The following APOL5 variants were observed in gnomAD, a reference collection of about 807,000 sequenced individuals.
APOL5 encodes the protein apolipoprotein L, 5.
A neutral mutation model predicts 35.5 loss-of-function variants in APOL5; 29 were observed. That is an observed-to-expected ratio of 0.82 (90% CI 0.61 to 1.11). The LOEUF (loss-of-function observed/expected upper bound fraction) is 1.11. Among genes scored for constraint, APOL5 ranks in the 50% most tolerant of loss-of-function variants. The pLI is 0.00. For synonymous variants in APOL5, 188 were observed against 200.2 expected (o/e 0.94, Z 0.51); for missense variants, 514 against 530.4 (o/e 0.97, Z 0.30).
At chr22:35,719,923 G>A (rs1926902083) in intron 1 of APOL5, among the ~76,000 whole-genome samples, 1 of 152,248 alleles carries the variant, frequency 6.6e-6, no homozygotes, top group Non-Finnish European at 1.5e-5. Flanking sequence ...CCAGAAAGGG[G>A]ATGGAGTGGG....
intron 2 of APOL5, 94 bp downstream of exon 2, chr22:35,720,748 G>A (rs1926943713): frequency 1.2e-6 from 1 of 864,376 alleles, no homozygotes; most frequent in African/African-American, 2.6e-5. Context: ...GAGTATTTGG[G>A]TTTTGTTTTG....
chr22:35,716,281 T>G (rs980125239), upstream of APOL5, among the ~76,000 whole-genome samples: 1 of 152,202 alleles, frequency 6.6e-6, no homozygotes, highest in Non-Finnish European at 1.5e-5. Flanking sequence ...ATTGGCTTTT[T>G]GTTGTTGTTG....
At chr22:35,724,483 T>C (rs1232118419) in intron 2 of APOL5, among the ~76,000 whole-genome samples, 4 of 152,148 alleles carry the variant, frequency 2.6e-5, no homozygotes, top group Non-Finnish European at 5.9e-5. Context: ...TATATATGTA[T>C]ACATTATAAA....
intron 2 of APOL5, among the ~76,000 whole-genome samples, chr22:35,723,330 T>G (rs890825211): frequency 1.3e-5 from 2 of 152,146 alleles, no homozygotes; most frequent in African/African-American, 2.4e-5. Flanking sequence ...CCCTGTTACG[T>G]GCTGTAGAAA....
chr22:35,720,712 T>G, intron 2 of APOL5, 58 bp downstream of exon 2: 1 of 1,250,196 alleles, frequency 8.0e-7, no homozygotes, highest in Non-Finnish European at 1.2e-6. Flanking sequence ...TCCAAAACAG[T>G]GTCTGTCACA....
At chr22:35,721,944 A>T (rs140953299) in intron 2 of APOL5, among the ~76,000 whole-genome samples, 7 of 152,330 alleles carry the variant, frequency 4.6e-5, no homozygotes, top group Admixed American at 4.6e-4. Context: ...TAAAATCTTC[A>T]TGCGTCATGC....
At chr22:35,719,058 AAT>A (rs1491159136) in intron 1 of APOL5, among the ~76,000 whole-genome samples, 2 of 57,128 alleles carry the variant, frequency 3.5e-5, no homozygotes, top group African/African-American at 6.6e-5. Context: ...CCGTCTCAAA[AAT>A]AATAATAATA....
chr22:35,717,235 A>AAAAAAAAAAAAATATATATATATATATAT, upstream of APOL5, among the ~76,000 whole-genome samples: 1 of 57,664 alleles, frequency 1.7e-5, no homozygotes, highest in African/African-American at 8.0e-5. Context: ...AAAAAAAAAA[A>AAAAAAAAAAAAATATATATATATATATAT]ATATATATAT....
chr22:35,716,867 C>A (rs1277000237), upstream of APOL5, among the ~76,000 whole-genome samples: 1 of 151,102 alleles, frequency 6.6e-6, no homozygotes, highest in Non-Finnish European at 1.5e-5. Context: ...TTCCTTTTCA[C>A]ATCCATAAAC....
At chr22:35,711,758 C>T in the APOL5 span, among the ~76,000 whole-genome samples, 2 of 150,224 alleles carry the variant, frequency 1.3e-5, no homozygotes, top group African/African-American at 4.9e-5. Context: ...TCACTGCAAC[C>T]TTTGTCTCCC....
At chr22:35,710,818 C>T in the APOL5 span, among the ~76,000 whole-genome samples, 1 of 152,158 alleles carries the variant, frequency 6.6e-6, no homozygotes, top group Admixed American at 6.5e-5. Context: ...TTGTGAGTGG[C>T]TTATTTCACC....
chr22:35,724,241 C>G (rs1927070639), intron 2 of APOL5, among the ~76,000 whole-genome samples: 1 of 151,238 alleles, frequency 6.6e-6, no homozygotes, highest in South Asian at 2.1e-4. Flanking sequence ...TGACTTGAAC[C>G]CAGGAGTTCG....
chr22:35,721,709 A>G (rs1926976272), intron 2 of APOL5, among the ~76,000 whole-genome samples: 1 of 152,094 alleles, frequency 6.6e-6, no homozygotes, highest in South Asian at 2.1e-4. Context: ...CCAACCCATG[A>G]TAATGTCTGA....
upstream of APOL5, among the ~76,000 whole-genome samples, chr22:35,716,657 G>A (rs961855975): frequency 6.6e-6 from 1 of 152,004 alleles, no homozygotes; most frequent in Non-Finnish European, 1.5e-5. Context: ...TGTCACCCTA[G>A]CCCTAAATCT....
chr22:35,728,689 G>A (rs1927262688), intron 3 of APOL5, 34 bp from the exon 4 acceptor site: 1 of 1,594,812 alleles, frequency 6.3e-7, no homozygotes. Context: ...CTCTTTCTTG[G>A]AAGTTGTAAG....
intron 3 of APOL5, among the ~76,000 whole-genome samples, chr22:35,727,821 T>C (rs1455935386): frequency 6.6e-6 from 1 of 152,224 alleles, no homozygotes; most frequent in Middle Eastern, 3.2e-3. Context: ...ATTTGAAAAG[T>C]AGTTTACATT....
At chr22:35,728,279 AG>A (rs1335197972) in intron 3 of APOL5, among the ~76,000 whole-genome samples, 8 of 152,060 alleles carry the variant, frequency 5.3e-5, no homozygotes, top group Non-Finnish European at 7.4e-5. Context: ...GCTGGAGTGC[AG>A]TGGCGCCATC....
the APOL5 span, among the ~76,000 whole-genome samples, chr22:35,711,060 C>T: frequency 1.3e-5 from 2 of 152,206 alleles, no homozygotes; most frequent in African/African-American, 2.4e-5. Context: ...TCCCCAGCTA[C>T]TTGGGAGGCT....
the APOL5 span, among the ~76,000 whole-genome samples, chr22:35,710,113 C>CTTTTTTTTTTTT: frequency 2.3e-5 from 2 of 86,710 alleles, no homozygotes; most frequent in East Asian, 3.0e-4. Flanking sequence ...CTTTCTTTCT[C>CTTTTTTTTTTTT]TTTTTTTTTT....
Sources: gnomAD v4.1 joint callset for allele counts (sites outside exome capture counted in the v4.1 genomes callset) on GRCh38, gnomAD v4.1.1 for gene constraint, MANE v1.5 for transcripts, NCBI Gene and HGNC (gene_info 2026-07-23, HGNC 2026-07-21) for gene names.